The following PIR variants were observed in gnomAD, a reference collection of about 807,000 sequenced individuals.
The protein encoded by PIR is pirin.
PIR carries 22 observed loss-of-function variants against 24.2 expected under a neutral mutation model. That is an observed-to-expected ratio of 0.91 (90% CI 0.65 to 1.30). The LOEUF is 1.30. Ranked by LOEUF, PIR falls within the 50% of genes most tolerant of loss-of-function variation. PIR has a pLI of 0.00. For synonymous variants in PIR, 80 were observed against 79.6 expected, an observed-to-expected ratio of 1.00 and a Z score of -0.03; for missense variants, 220 against 220.3, an observed-to-expected ratio of 1.00 and a Z score of 0.01.
Position 15,488,045 on chromosome X carries a change from G to A in PIR, c.96+3117C>T, listed in dbSNP as rs193247845. Among the ~76,000 whole-genome samples the A allele has an allele frequency of 4.0e-3, 447 of 110,550 alleles. 1 individual carries two copies. Among genetic ancestry groups the A allele is most frequent in the African/African-American group, 0.014 (423 of 30,354 alleles). On this transcript the variant is annotated intron_variant, in intron 2 of 9. Coordinates refer to ENST00000380420, the MANE Select transcript of PIR (RefSeq NM_001018109.3). ...TGTAATCCCAGCACTTTGGGAGGCC[G>A]AGGTGGGCGGATCACCTGAGGTTGG...
intron 6 of PIR, among the ~76,000 whole-genome samples, chrX:15,411,080 A>G (rs1228750718): frequency 9.0e-6 from 1 of 110,839 alleles, no homozygotes; most frequent in Non-Finnish European, 1.9e-5. Context: ...TCATCCCCCA[A>G]TTTTTATTGC....
intron 3 of PIR, 79 bp downstream of exon 3, chrX:15,479,650 T>A: frequency 1.3e-5 from 6 of 463,596 alleles, no homozygotes; most frequent in Non-Finnish European, 2.1e-5. Context: ...TATTTATTGC[T>A]TTTAAAATTG....
chrX:15,396,740 A>C (rs1262991337), intron 8 of PIR, among the ~76,000 whole-genome samples: 3 of 101,366 alleles, frequency 3.0e-5, no homozygotes, highest in African/African-American at 1.1e-4. Context: ...CAAAGTGGGG[A>C]TTCTTTTTTT....
chrX:15,486,265 G>C (rs1016300235), intron 2 of PIR, among the ~76,000 whole-genome samples: 3 of 79,389 alleles, frequency 3.8e-5, no homozygotes, highest in African/African-American at 1.6e-4. Flanking sequence ...AGAGGTTGCA[G>C]TGAGCCGAGG....
At chrX:15,486,215 G>A (rs766563806) in intron 2 of PIR, among the ~76,000 whole-genome samples, 6 of 99,770 alleles carry the variant, frequency 6.0e-5, no homozygotes, top group South Asian at 4.8e-4. Flanking sequence ...TTAGCTAGGC[G>A]TGGTGGCTGA....
chrX:15,467,275 T>C (rs916220368), intron 3 of PIR, among the ~76,000 whole-genome samples: 3 of 112,447 alleles, frequency 2.7e-5, no homozygotes, highest in Non-Finnish European at 3.8e-5. Context: ...AAAACAACAT[T>C]ATCTGTCCCT....
intron 3 of PIR, among the ~76,000 whole-genome samples, chrX:15,469,729 T>C (rs1228529565): frequency 1.8e-5 from 2 of 111,722 alleles, no homozygotes; most frequent in Non-Finnish European, 3.8e-5. Flanking sequence ...TTTATTATCA[T>C]GTTACTACTA....
At chrX:15,490,280 T>C (rs1450061542) in intron 2 of PIR, among the ~76,000 whole-genome samples, 1 of 112,086 alleles carries the variant, frequency 8.9e-6, no homozygotes, top group East Asian at 2.8e-4. Flanking sequence ...TTTAAAACCC[T>C]ATAAATACAT....
intron 9 of PIR, among the ~76,000 whole-genome samples, chrX:15,388,753 T>A (rs1985961766): frequency 8.9e-6 from 1 of 111,858 alleles, no homozygotes; most frequent in Non-Finnish European, 1.9e-5. Context: ...GGAGAAAGGG[T>A]CTTAGGTAAT....
At chrX:15,436,958 G>A (rs1035186674) in intron 5 of PIR, among the ~76,000 whole-genome samples, 1 of 112,177 alleles carries the variant, frequency 8.9e-6, no homozygotes, top group African/African-American at 3.2e-5. Context: ...ACAGGCATGT[G>A]CCTGAAGGTA....
chrX:15,469,607 G>T (rs1921775321), intron 3 of PIR, among the ~76,000 whole-genome samples: 1 of 111,755 alleles, frequency 8.9e-6, no homozygotes, highest in South Asian at 3.7e-4. Flanking sequence ...TCCCAGGTGG[G>T]TCTTAAAAAG....
At chrX:15,390,742 C>G (rs1434325402) in intron 8 of PIR, among the ~76,000 whole-genome samples, 1 of 111,681 alleles carries the variant, frequency 9.0e-6, no homozygotes, top group Non-Finnish European at 1.9e-5. Flanking sequence ...GACATCTGCT[C>G]AAGCAAATTT....
chrX:15,422,378 A>T (rs1329538958), intron 6 of PIR, among the ~76,000 whole-genome samples: 1 of 110,610 alleles, frequency 9.0e-6, no homozygotes, highest in Non-Finnish European at 1.9e-5. Flanking sequence ...GAAGAAGTCA[A>T]ACTAGTCTTG....
intron 6 of PIR, among the ~76,000 whole-genome samples, chrX:15,417,491 T>C (rs1267175618): frequency 1.8e-5 from 2 of 112,038 alleles, no homozygotes; most frequent in Non-Finnish European, 3.8e-5. Context: ...TCCTTTTTTT[T>C]CCCCATAAAC....
At chrX:15,462,237 A>G (rs966539707) in intron 3 of PIR, among the ~76,000 whole-genome samples, 2 of 112,505 alleles carry the variant, frequency 1.8e-5, no homozygotes, top group Non-Finnish European at 3.8e-5. Flanking sequence ...AATTAGTAAG[A>G]ATTTAAAATT....
At position 15,450,957 on chromosome X, in the gene PIR, A is replaced by G. The variant is rs752639022; in HGVS notation, c.480+4891T>C. ...ACAGGAAAAATCGTGTGTGTGCACCAGTGGCTTGCACACACAGTGGCTTGC... is the reference window on the plus strand; with the variant it reads ...ACAGGAAAAATCGTGTGTGTGCACCGGTGGCTTGCACACACAGTGGCTTGC... On this transcript the variant is annotated intron_variant, in intron 5 of 9. Coordinates refer to ENST00000380420, the MANE Select transcript of PIR (RefSeq NM_001018109.3). 4.6e-5 allele frequency among the ~76,000 whole-genome samples: 5 copies of G among 109,238 alleles called. No individual in the cohort carries two copies. The East Asian group carries it at 1.1e-3, about 25-fold the overall frequency. The allele number at this position is 109,238 out of a possible 115,157, so 94.9% of individuals were successfully genotyped here.
At chrX:15,449,172 G>C (rs1036074941) in intron 5 of PIR, among the ~76,000 whole-genome samples, 1 of 111,840 alleles carries the variant, frequency 8.9e-6, no homozygotes, top group African/African-American at 3.3e-5. Flanking sequence ...ACCTGGGTTG[G>C]ACCTTGGTGC....
intron 5 of PIR, among the ~76,000 whole-genome samples, chrX:15,441,783 T>C (rs1444255052): frequency 9.0e-6 from 1 of 111,551 alleles, no homozygotes; most frequent in East Asian, 2.8e-4. Context: ...TCTCTTCTTC[T>C]GTCAAGAGGT....
intron 6 of PIR, among the ~76,000 whole-genome samples, chrX:15,413,206 A>C (rs758291578): frequency 1.8e-5 from 2 of 111,344 alleles, no homozygotes; most frequent in South Asian, 7.7e-4. Context: ...CTTTCCTTCA[A>C]ATCTGTGCAT....
Sources: gnomAD v4.1 joint callset for allele counts (sites outside exome capture counted in the v4.1 genomes callset) on GRCh38, gnomAD v4.1.1 for gene constraint, MANE v1.5 for transcripts, NCBI Gene and HGNC (gene_info 2026-07-23, HGNC 2026-07-21) for gene names.